RNF144A: variants seen among roughly 807,000 people sequenced by gnomAD.
The protein encoded by RNF144A is ring finger protein 144A.
In RNF144A, 11 loss-of-function variants were observed where a neutral mutation model predicts 38.7. The ratio of observed to expected loss-of-function variants is 0.28; its 90% CI spans 0.18 to 0.47. RNF144A has a LOEUF of 0.47. Ranked by LOEUF, RNF144A falls within the 20% of genes least tolerant of loss-of-function variation. The pLI is 0.99. For missense variants in RNF144A, 316 were observed against 377.2 expected, an observed-to-expected ratio of 0.84 and a Z score of 1.34; for synonymous variants, 149 against 143.9, an observed-to-expected ratio of 1.04 and a Z score of -0.25.
At chr2:6,990,697 G>T (rs928680596) in intron 2 of RNF144A, among the ~76,000 whole-genome samples, 4 of 151,844 alleles carry the variant, frequency 2.6e-5, no homozygotes, top group Non-Finnish European at 4.4e-5. Flanking sequence ...GGTAAACTTT[G>T]GTCCATAGTT....
At position 7,042,459 on chromosome 2, in the gene RNF144A, C is replaced by T; in HGVS notation, c.*2699C>T. 1 of 985,492 alleles carries T rather than the reference C, an allele frequency of 1.0e-6. No individual in the cohort carries two copies. Among genetic ancestry groups the T allele is most frequent in the Non-Finnish European group, 1.2e-6 (1 of 829,946 alleles). 61.0% of individuals were successfully genotyped at this position (985,492 alleles called of 1,614,324 possible). ...ATATGGCATGTGTTCACTAAGAGGC[C>T]TTTAATCCTGGGGAGTAAGGGGCGA... On this transcript the variant is annotated 3_prime_UTR_variant, in exon 9 of 9. Coordinates refer to ENST00000320892, the MANE Select transcript of RNF144A (RefSeq NM_014746.6).
At position 7,043,421 on chromosome 2, in the gene RNF144A, G is replaced by A. The variant is rs1430260238; in HGVS notation, c.*3661G>A. 14 of 985,388 alleles carry A rather than the reference G, an allele frequency of 1.4e-5. No homozygotes were observed. Among genetic ancestry groups the A allele is most frequent in the African/African-American group, 3.5e-5 (2 of 57,176 alleles). 61.0% of individuals were successfully genotyped at this position (985,388 alleles called of 1,614,324 possible). On this transcript the variant is annotated 3_prime_UTR_variant, in exon 9 of 9. Transcript: ENST00000320892. ...ATTGAAAGGATCCAGGATGGGCTTT[G>A]TGTGTGTGTCTCAGATTCTCATTTA...
intron 8 of RNF144A, among the ~76,000 whole-genome samples, chr2:7,031,157 T>C (rs1472514296): frequency 6.6e-6 from 1 of 152,082 alleles, no homozygotes; most frequent in African/African-American, 2.4e-5. Flanking sequence ...CCGCTACCCG[T>C]CCATGGCCCA....
intron 2 of RNF144A, among the ~76,000 whole-genome samples, chr2:6,976,589 T>G (rs1668330456): frequency 6.7e-6 from 1 of 148,650 alleles, no homozygotes; most frequent in South Asian, 2.1e-4. Context: ...TATATAAAAC[T>G]ATATAAATTT....
In RNF144A at chr2:6,995,267, A is replaced by G. The variant is rs143806456; in HGVS notation, c.-11-1649A>G. On this transcript the variant is annotated intron_variant, in intron 2 of 8. Transcript: ENST00000320892. ...ACCCTGGGAATAAGCTACTCAAATG[A>G]CAGTAAGTCCCAAACCTACCTGTGG... 2.2e-3 allele frequency among the ~76,000 whole-genome samples: 341 copies of G among 151,990 alleles called. 2 individuals carry two copies. The highest frequency in any genetic ancestry group is 7.8e-3 in the African/African-American group (323 of 41,424).
intron 6 of RNF144A, among the ~76,000 whole-genome samples, chr2:7,059,462 A>G (rs913105088): frequency 1.3e-5 from 2 of 152,230 alleles, no homozygotes; most frequent in South Asian, 2.1e-4. Context: ...CCTCCCACCC[A>G]CTTCCTGAGT....
intron 2 of RNF144A, among the ~76,000 whole-genome samples, chr2:6,979,119 T>C (rs934359446): frequency 1.2e-4 from 19 of 152,222 alleles, no homozygotes; most frequent in Middle Eastern, 3.4e-3. Context: ...GGCGAGGGGC[T>C]GGGATAGGGG....
chr2:7,014,553 A>G lies in RNF144A; in HGVS notation c.235A>G (p.Asn79Asp). 6.3e-7 allele frequency: 1 copy of G among 1,598,158 alleles called. No homozygotes were observed. The highest frequency in any genetic ancestry group is 2.2e-5 in the East Asian group (1 of 44,822). The change falls in exon 4 of 9, where the codon AAC (asparagine) becomes GAC (aspartate). Residue 79 changes from asparagine to aspartate, a missense_variant. Physicochemically the swap from Asn to Asp is conservative, Grantham distance 23. Transcript: ENST00000320892. ...CCCTAAACAGGGCCACCTACAGGAG[A>G]ACGAGGCATGTGCAATTGAACAGAC... ...ACPKQGHLQE[N>D]EIECMVAAEI...
rs187944334 is a variant in RNF144A, at chr2:6,923,686, C to T, written c.-212+6064C>T. 1.9e-4 allele frequency among the ~76,000 whole-genome samples: 29 copies of T among 152,302 alleles called. No individual in the cohort carries two copies. In the East Asian group the frequency reaches 2.3e-3, roughly 12 times the overall value. On this transcript the variant is annotated intron_variant, in intron 1 of 8. Transcript: ENST00000320892. ...GGAGCCGCACGGAGCAGAACTGGGACGGAGTTAAAGCTCCAGGGTCCAGGC... is the reference window on the plus strand; with the variant it reads ...GGAGCCGCACGGAGCAGAACTGGGATGGAGTTAAAGCTCCAGGGTCCAGGC...
At position 7,038,351 on chromosome 2, in the gene RNF144A, G is replaced by A. The variant is rs969688081; in HGVS notation, c.748-1278G>A. On this transcript the variant is annotated intron_variant, in intron 8 of 8. Transcript: ENST00000320892. ...AAATGGTGTCTGTCACTCACATGGCGGGGGTGTGTGGGGCTGCACCCCTGG... is the reference window on the plus strand; with the variant it reads ...AAATGGTGTCTGTCACTCACATGGCAGGGGTGTGTGGGGCTGCACCCCTGG... Among the ~76,000 whole-genome samples, 8 of 152,192 alleles carry A rather than the reference G, an allele frequency of 5.3e-5. 1 individual carries two copies. The highest frequency in any genetic ancestry group is 3.9e-4 in the East Asian group (2 of 5,180).
intron 7 of RNF144A, among the ~76,000 whole-genome samples, chr2:7,027,992 T>A (rs1444175754): frequency 4.4e-5 from 3 of 67,702 alleles, no homozygotes; most frequent in African/African-American, 1.2e-4. Flanking sequence ...GGGGGCGGGG[T>A]GGGAGGGTGA....
intron 2 of RNF144A, among the ~76,000 whole-genome samples, chr2:6,967,033 G>A (rs1229648242): frequency 2.0e-5 from 3 of 152,108 alleles, no homozygotes; most frequent in Non-Finnish European, 2.9e-5. Context: ...AGCCATCGAC[G>A]CAAACCATTT....
At chr2:6,982,051 C>A (rs766540772) in intron 2 of RNF144A, among the ~76,000 whole-genome samples, 1 of 151,984 alleles carries the variant, frequency 6.6e-6, no homozygotes, top group Non-Finnish European at 1.5e-5. Flanking sequence ...GTGAGATCTC[C>A]CTTACTATCA....
intron 3 of RNF144A, among the ~76,000 whole-genome samples, chr2:7,001,395 G>A (rs1350761672): frequency 2.6e-5 from 4 of 151,966 alleles, no homozygotes; most frequent in African/African-American, 9.7e-5. Flanking sequence ...GTAACTTTTT[G>A]CCCAGGCACA....
At chr2:6,918,848 G>A (rs1160077608) in intron 1 of RNF144A, 6 of 151,848 alleles carry the variant, frequency 4.0e-5, no homozygotes, top group African/African-American at 1.2e-4. Context: ...GGTAACAGAG[G>A]AGTGAGGTAA....
At chr2:6,924,907 T>G (rs1664763720) in intron 1 of RNF144A, among the ~76,000 whole-genome samples, 1 of 152,256 alleles carries the variant, frequency 6.6e-6, no homozygotes, top group African/African-American at 2.4e-5. Context: ...TAACACAGGC[T>G]GTGTGCTCCA....
chr2:6,961,581 AT>A (rs1389191137), intron 2 of RNF144A, among the ~76,000 whole-genome samples: 1 of 152,164 alleles, frequency 6.6e-6, no homozygotes, highest in African/African-American at 2.4e-5. Context: ...TTTATATTTT[AT>A]TTCAAGAGCA....
chr2:7,018,698 A>G (rs192843583), intron 5 of RNF144A, among the ~76,000 whole-genome samples: 427 of 152,358 alleles, frequency 2.8e-3, no homozygotes, highest in African/African-American at 9.3e-3. Flanking sequence ...ATCAACAAAT[A>G]AGAGAAGAGC....
At chr2:7,006,063 C>G (rs1009508290) in intron 3 of RNF144A, among the ~76,000 whole-genome samples, 1 of 151,748 alleles carries the variant, frequency 6.6e-6, no homozygotes, top group Non-Finnish European at 1.5e-5. Context: ...CGTGTTGCCC[C>G]TGAAATCATG....
Sources: gnomAD v4.1 joint callset for allele counts (sites outside exome capture counted in the v4.1 genomes callset) on GRCh38, gnomAD v4.1.1 for gene constraint, MANE v1.5 for transcripts, NCBI Gene and HGNC (gene_info 2026-07-23, HGNC 2026-07-21) for gene names.